Variants in STK3 observed in about 807,000 individuals in gnomAD.
The protein encoded by STK3 is serine/threonine kinase 3.
STK3 carries 41 observed loss-of-function variants against 58.0 expected under a neutral mutation model. The observed-to-expected ratio is 0.71, with a 90% CI of 0.55 to 0.92. The LOEUF (loss-of-function observed/expected upper bound fraction) is 0.92, where lower values mean the gene tolerates loss of function less well. Ranked by LOEUF, STK3 falls within the 40% of genes least tolerant of loss-of-function variation. The probability of loss-of-function intolerance (pLI) is 0.00; values close to 1 mark genes in which losing one functional copy is unlikely to be tolerated. For synonymous variants in STK3, 170 were observed against 191.0 expected (o/e 0.89, Z 0.91); for missense variants, 479 against 602.7 (o/e 0.79, Z 2.15).
intron 1 of STK3, among the ~76,000 whole-genome samples, chr8:98,930,679 T>C: frequency 6.6e-6 from 1 of 152,352 alleles, no homozygotes; most frequent in East Asian, 1.9e-4. Flanking sequence ...AAAATGCCCA[T>C]GTTTCTTGGA....
intron 1 of STK3, among the ~76,000 whole-genome samples, chr8:98,824,351 T>A (rs1392931519): frequency 2.6e-5 from 4 of 152,226 alleles, no homozygotes; most frequent in East Asian, 1.9e-4. Context: ...GAAACTCTGA[T>A]AACTTACAGT....
chr8:98,551,329 T>C (rs564340770), intron 8 of STK3, among the ~76,000 whole-genome samples: 1 of 152,326 alleles, frequency 6.6e-6, no homozygotes, highest in South Asian at 2.1e-4. Flanking sequence ...CTTTTATAAA[T>C]GTAAGTACCC....
chr8:98,706,941 G>A (rs539255906), intron 5 of STK3, among the ~76,000 whole-genome samples: 3 of 152,214 alleles, frequency 2.0e-5, no homozygotes, highest in African/African-American at 7.2e-5. Flanking sequence ...TAAGCATTTT[G>A]ATTATAAGAT....
intron 1 of STK3, among the ~76,000 whole-genome samples, chr8:98,896,255 G>C (rs190953960): frequency 6.6e-6 from 1 of 152,224 alleles, no homozygotes; most frequent in South Asian, 2.1e-4. Context: ...TCAAATTCAC[G>C]AGAGAAAATT....
chr8:98,575,562 C>T (rs1016758174), intron 8 of STK3, among the ~76,000 whole-genome samples: 1 of 151,542 alleles, frequency 6.6e-6, no homozygotes, highest in Non-Finnish European at 1.5e-5. Context: ...TGGGCCCTGT[C>T]CTGGTCTCTG....
At chr8:98,636,606 T>C (rs762027078) in intron 6 of STK3, among the ~76,000 whole-genome samples, 6 of 152,096 alleles carry the variant, frequency 3.9e-5, no homozygotes, top group South Asian at 2.1e-4. Flanking sequence ...AAGATTATAA[T>C]AGGAAGATCT....
chr8:98,362,835 G>A, the STK3 span, among the ~76,000 whole-genome samples: 1 of 152,164 alleles, frequency 6.6e-6, no homozygotes, highest in African/African-American at 2.4e-5. Context: ...TCTTCCCTGG[G>A]TCTGCTCCCA....
chr8:98,691,881 G>A (rs1167849263), intron 6 of STK3, among the ~76,000 whole-genome samples: 2 of 149,350 alleles, frequency 1.3e-5, no homozygotes, highest in East Asian at 2.0e-4. Flanking sequence ...GCAGTGAGCC[G>A]AGATCATGCC....
rs1048374856 is a variant in STK3, at chr8:98,433,538, C to A, written n.483+589G>T. ...GCCTCCAGCTCTGTGATTGTAGGCACATCCTGTGGCCTCTCCAAGCCTCAC... is the reference window on the plus strand; with the variant it reads ...GCCTCCAGCTCTGTGATTGTAGGCAAATCCTGTGGCCTCTCCAAGCCTCAC... On this transcript the variant is annotated intron_variant and non_coding_transcript_variant, in intron 3 of 3. Coordinates refer to the STK3 transcript ENST00000517832. Among the ~76,000 whole-genome samples, 11 of 151,990 alleles carry A rather than the reference C, an allele frequency of 7.2e-5. No homozygotes were observed. The East Asian group carries it at 1.6e-3, about 21-fold the overall frequency.
intron 4 of STK3, among the ~76,000 whole-genome samples, chr8:98,745,484 T>G (rs1829579643): frequency 6.6e-6 from 1 of 151,998 alleles, no homozygotes; most frequent in South Asian, 2.1e-4. Context: ...AGAACTAAAA[T>G]GTCTGGAGAA....
chr8:98,564,171 A>G (rs1217732758), intron 8 of STK3, among the ~76,000 whole-genome samples: 2 of 152,126 alleles, frequency 1.3e-5, no homozygotes, highest in Non-Finnish European at 2.9e-5. Context: ...GCCTCGTCTC[A>G]TCATTAGAAA....
At chr8:98,741,652 C>T (rs1161320534) in intron 4 of STK3, among the ~76,000 whole-genome samples, 14 of 152,006 alleles carry the variant, frequency 9.2e-5, no homozygotes, top group South Asian at 8.3e-4. Context: ...AGGAAAGATC[C>T]AAAATTGACA....
chr8:98,876,635 C>T (rs1837568631), intron 3 of STK3, among the ~76,000 whole-genome samples: 1 of 152,194 alleles, frequency 6.6e-6, no homozygotes, highest in African/African-American at 2.4e-5. Flanking sequence ...CTGCCCAGGT[C>T]TAGAGGAAAG....
chr8:98,727,944 G>A (rs956510177), intron 4 of STK3, among the ~76,000 whole-genome samples: 1 of 152,120 alleles, frequency 6.6e-6, no homozygotes, highest in Non-Finnish European at 1.5e-5. Context: ...GAGAAACTTG[G>A]TGAATATGTA....
Position 98,808,629 on chromosome 8 carries a change from C to T in STK3, c.26+16886G>A, listed in dbSNP as rs147320897. Among the ~76,000 whole-genome samples, 1,348 of 152,186 alleles carry T rather than the reference C, an allele frequency of 8.9e-3. 13 individuals are homozygous for T. The highest frequency in any genetic ancestry group is 0.031 in the African/African-American group (1,271 of 41,530). ...GTGATCCATACATTCAGCTCTTGTG[C>T]AACAATTACTGTTATCCATTTCCCA... On this transcript the variant is annotated intron_variant, in intron 1 of 10. Coordinates refer to ENST00000419617, the MANE Select transcript of STK3 (RefSeq NM_006281.4).
intron 6 of STK3, among the ~76,000 whole-genome samples, chr8:98,697,722 A>T (rs913612876): frequency 6.6e-6 from 1 of 152,128 alleles, no homozygotes; most frequent in Admixed American, 6.5e-5. Flanking sequence ...AGTTTGAGAG[A>T]CAGTTTGTTA....
chr8:98,549,130 T>G (rs898307111), intron 8 of STK3, among the ~76,000 whole-genome samples: 1 of 152,198 alleles, frequency 6.6e-6, no homozygotes, highest in Non-Finnish European at 1.5e-5. Context: ...TACCTAGAAG[T>G]ACAATTGCTG....
At chr8:98,832,243 T>G (rs1835558219) in intron 3 of STK3, among the ~76,000 whole-genome samples, 2 of 116,292 alleles carry the variant, frequency 1.7e-5, no homozygotes, top group Non-Finnish European at 3.6e-5. Context: ...CTCCTTTTCG[T>G]GAAAAAAAAA....
At position 98,635,833 on chromosome 8, in the gene STK3, T is replaced by C. The variant is rs565859292; in HGVS notation, c.685-39664A>G. Among the ~76,000 whole-genome samples, 3 of 152,258 alleles carry C rather than the reference T, an allele frequency of 2.0e-5. No individual in the cohort carries two copies. The South Asian group carries it at 6.2e-4, about 32-fold the overall frequency. On this transcript the variant is annotated intron_variant, in intron 6 of 10. Coordinates refer to ENST00000419617, the MANE Select transcript of STK3 (RefSeq NM_006281.4). The stretch of plus-strand genomic sequence containing the variant: ...AATTTTACTATGCATCAGAATTTCT[T>C]GGTGGGCTTGTTAAATGCAGATTGC...
Sources: allele counts gnomAD v4.1 joint callset (sites outside exome capture counted in the v4.1 genomes callset), GRCh38; gene constraint gnomAD v4.1.1; transcripts MANE v1.5; gene names NCBI Gene and HGNC (gene_info 2026-07-23, HGNC 2026-07-21).